CTNND2: variants seen among roughly 807,000 people sequenced by gnomAD.
CTNND2 encodes the protein catenin delta-2.
Under a neutral mutation model 144.4 loss-of-function variants are expected in CTNND2, and 22 were observed. The observed-to-expected ratio is 0.15, with a 90% CI of 0.11 to 0.22. The LOEUF is 0.22. Ranked by LOEUF, CTNND2 falls within the 10% of genes least tolerant of loss-of-function variation. CTNND2 has a pLI of 1.00. For missense variants in CTNND2, 1,353 were observed against 1,618.8 expected (o/e 0.84, Z 2.82); for synonymous variants, 751 against 695.6 (o/e 1.08, Z -1.25).
chr5:11,533,783 G>A (rs1773971908), intron 3 of CTNND2, among the ~76,000 whole-genome samples: 1 of 152,202 alleles, frequency 6.6e-6, no homozygotes, highest in Admixed American at 6.5e-5. Flanking sequence ...CGAAGATTCT[G>A]ACTCAGGAGT....
intron 6 of CTNND2, among the ~76,000 whole-genome samples, chr5:11,386,914 T>C (rs1477599724): frequency 6.6e-6 from 1 of 152,106 alleles, no homozygotes; most frequent in Non-Finnish European, 1.5e-5. Context: ...AGAGAAATAG[T>C]CTAGCTTCAT....
intron 11 of CTNND2, among the ~76,000 whole-genome samples, chr5:11,175,783 A>C (rs1560972315): frequency 6.6e-6 from 1 of 152,092 alleles, no homozygotes; most frequent in Non-Finnish European, 1.5e-5. Context: ...TAGAGTCTAC[A>C]CATTTTAAAT....
intron 3 of CTNND2, among the ~76,000 whole-genome samples, 196 bp from the exon 4 acceptor site, chr5:11,412,265 C>T (rs61749766): frequency 1.4e-4 from 22 of 152,104 alleles, no homozygotes; most frequent in Admixed American, 1.4e-3. Context: ...CCTTTTGATT[C>T]GCAAGTATTA....
At chr5:11,605,883 C>A (rs1050279883) in intron 2 of CTNND2, among the ~76,000 whole-genome samples, 1 of 152,194 alleles carries the variant, frequency 6.6e-6, no homozygotes, top group African/African-American at 2.4e-5. Flanking sequence ...CAAACATTCA[C>A]TGAGGTTCTA....
chr5:11,058,183 T>A (rs763100277), intron 16 of CTNND2, among the ~76,000 whole-genome samples: 1 of 152,288 alleles, frequency 6.6e-6, no homozygotes, highest in Admixed American at 6.5e-5. Flanking sequence ...AGGAGCTGAA[T>A]GTTAATCCCC....
chr5:11,389,662 A>G (rs1759450202), intron 6 of CTNND2, among the ~76,000 whole-genome samples: 1 of 152,228 alleles, frequency 6.6e-6, no homozygotes, highest in Non-Finnish European at 1.5e-5. Flanking sequence ...CCATTAATGA[A>G]CAGTACTCAA....
At chr5:11,606,044 G>T (rs757525015) in intron 2 of CTNND2, among the ~76,000 whole-genome samples, 19 of 152,130 alleles carry the variant, frequency 1.2e-4, no homozygotes, top group Non-Finnish European at 2.5e-4. Context: ...TATGTCAGAA[G>T]AGGCAAGAGA....
chr5:11,065,516 T>C (rs909377287), intron 16 of CTNND2, among the ~76,000 whole-genome samples: 5 of 152,166 alleles, frequency 3.3e-5, no homozygotes, highest in Admixed American at 2.0e-4. Context: ...GGAGATGCTT[T>C]AGAAAAAAAA....
At chr5:11,109,712 C>T (rs1752765202) in intron 14 of CTNND2, among the ~76,000 whole-genome samples, 2 of 149,958 alleles carry the variant, frequency 1.3e-5, no homozygotes, top group South Asian at 4.3e-4. Flanking sequence ...TAACTTAGTG[C>T]CTTTATGAAC....
At chr5:11,731,445 TA>T (rs921707080) in intron 2 of CTNND2, among the ~76,000 whole-genome samples, 10 of 152,186 alleles carry the variant, frequency 6.6e-5, no homozygotes, top group African/African-American at 2.4e-4. Context: ...CTTAAAATTT[TA>T]AAAACCGTTA....
chr5:11,402,978 A>G (rs1760758983), intron 5 of CTNND2, among the ~76,000 whole-genome samples: 1 of 152,252 alleles, frequency 6.6e-6, no homozygotes, highest in Non-Finnish European at 1.5e-5. Flanking sequence ...GTGGATGGAT[A>G]CATAAAGGAT....
chr5:11,890,679 T>G (rs1456546215), intron 1 of CTNND2, among the ~76,000 whole-genome samples: 1 of 152,082 alleles, frequency 6.6e-6, no homozygotes, highest in Non-Finnish European at 1.5e-5. Context: ...TTCGAGGAGG[T>G]TGCAGTCTAA....
chr5:11,401,601 C>A (rs1760655748), intron 5 of CTNND2, among the ~76,000 whole-genome samples: 1 of 152,148 alleles, frequency 6.6e-6, no homozygotes, highest in Admixed American at 6.5e-5. Flanking sequence ...ACCAGTTAAC[C>A]TTTTTTGAGT....
intron 3 of CTNND2, among the ~76,000 whole-genome samples, chr5:11,530,808 A>G (rs779987318): frequency 2.6e-5 from 4 of 152,096 alleles, no homozygotes; most frequent in Non-Finnish European, 5.9e-5. Flanking sequence ...GGATTTTGGT[A>G]CCAATTTTTG....
intron 2 of CTNND2, among the ~76,000 whole-genome samples, chr5:11,663,459 AG>A (rs1196026019): frequency 2.6e-5 from 4 of 152,186 alleles, no homozygotes; most frequent in Non-Finnish European, 5.9e-5. Context: ...TATTCCTGGA[AG>A]AAAAAGATGT....
chr5:11,126,613 T>C (rs902064648), intron 12 of CTNND2, among the ~76,000 whole-genome samples: 1 of 152,194 alleles, frequency 6.6e-6, no homozygotes, highest in African/African-American at 2.4e-5. Context: ...AAACAGACAT[T>C]ATATTTGATG....
intron 2 of CTNND2, among the ~76,000 whole-genome samples, chr5:11,724,817 G>A (rs1040620609): frequency 1.1e-4 from 16 of 152,012 alleles, no homozygotes; most frequent in African/African-American, 1.7e-4. Context: ...TGTAACTTGC[G>A]AAAATGCATC....
intron 2 of CTNND2, among the ~76,000 whole-genome samples, chr5:11,730,209 CTT>C (rs1341686689): frequency 6.6e-6 from 1 of 152,152 alleles, no homozygotes; most frequent in East Asian, 1.9e-4. Context: ...GACTTCCTCT[CTT>C]GTTTAAAACT....
intron 2 of CTNND2, among the ~76,000 whole-genome samples, chr5:11,580,325 C>T (rs1778324806): frequency 6.6e-6 from 1 of 152,112 alleles, no homozygotes; most frequent in African/African-American, 2.4e-5. Context: ...AGGTATTTTC[C>T]ATGGAGTTTT....
Sources: allele counts gnomAD v4.1 joint callset (sites outside exome capture counted in the v4.1 genomes callset), GRCh38; gene constraint gnomAD v4.1.1; transcripts MANE v1.5; gene names NCBI Gene and HGNC (gene_info 2026-07-23, HGNC 2026-07-21).